Variants in HMCN2 observed in about 807,000 individuals in gnomAD.
HMCN2 encodes the protein hemicentin-2.
Under a neutral mutation model 377.5 loss-of-function variants are expected in HMCN2, and 325 were observed. The ratio of observed to expected loss-of-function variants is 0.86; its 90% CI spans 0.79 to 0.94. The LOEUF (loss-of-function observed/expected upper bound fraction) is 0.94. Ranked by LOEUF, HMCN2 falls within the 40% of genes least tolerant of loss-of-function variation. The pLI, the probability that HMCN2 is intolerant of heterozygous loss-of-function variation, is 0.00. For synonymous variants in HMCN2, 2,007 were observed against 2,046.8 expected (o/e 0.98, Z 0.53); for missense variants, 4,543 against 4,725.3 (o/e 0.96, Z 1.13).
chr9:130,369,705 T>G lies in HMCN2; in HGVS notation c.6923T>G (p.Val2308Gly). ...ACATGGGAGCGGGACGGCCAGCCCG[T>G]GGGGGCTGAACTGGGCCTGCAGCTG... ...TVTWERDGQP[V>G]GAELGLQLQN... Residue 2308 changes from valine to glycine, a missense_variant, in exon 45 of 98, where the codon GTG becomes GGG. Val to Gly is a moderately radical substitution (Grantham distance 109). Around this residue, in one of 5 missense-constraint regions of HMCN2, gnomAD observed 1,032 missense variants for 1,285.1 expected, o/e 0.80. Transcript: ENST00000683500. The surrounding 1 kb of genome is among the most constrained non-coding windows in gnomAD (Gnocchi z 4.5). 1.0e-6 allele frequency: 1 copy of G among 985,884 alleles called. No individual in the cohort carries two copies. Among genetic ancestry groups the G allele is most frequent in the Non-Finnish European group, 1.2e-6 (1 of 830,050 alleles). 61.1% of individuals were successfully genotyped at this position (985,884 alleles called of 1,614,324 possible). A position where few individuals can be genotyped will look rare whatever the true frequency, so the allele number is the denominator to read the frequency against.
At chr9:130,429,465 G>A in intron 93 of HMCN2, 92 bp from the exon 94 acceptor site, 2 of 1,478,494 alleles carry the variant, frequency 1.4e-6, no homozygotes, top group African/African-American at 1.4e-5. Flanking sequence ...GGGACAGGGA[G>A]GAGGCCCAGA....
At position 130,418,976 on chromosome 9, in the gene HMCN2, C is replaced by T. The variant is rs1342714959; in HGVS notation, c.13166C>T (p.Thr4389Ile). Residue 4389 changes from threonine to isoleucine, a missense_variant, in exon 86 of 98, where the codon ACC becomes ATC. By Grantham distance (89) the Thr-to-Ile change is moderately conservative. Around this residue, in one of 5 missense-constraint regions of HMCN2, gnomAD observed 1,155 missense variants for 1,157.7 expected, o/e 1.00. Transcript: ENST00000683500. ...AACGTGGAGACTGGGGATGCAGGCA[C>T]CTACGACTGCGTCGCTCACAACCTC... is the stretch of plus-strand genomic sequence containing the variant. ...LENVETGDAG[T>I]YDCVAHNLLG... The T allele has an allele frequency of 1.3e-6, 2 of 1,519,766 alleles. No individual in the cohort carries two copies. Among genetic ancestry groups the T allele is most frequent in the African/African-American group, 1.4e-5 (1 of 72,372 alleles). 94.1% of individuals were successfully genotyped at this position (1,519,766 alleles called of 1,614,324 possible). A position where few individuals can be genotyped will look rare whatever the true frequency, so the allele number is the denominator to read the frequency against.
intron 12 of HMCN2, among the ~76,000 whole-genome samples, chr9:130,306,488 G>C (rs1376643035): frequency 6.6e-6 from 1 of 152,068 alleles, no homozygotes; most frequent in Non-Finnish European, 1.5e-5. Flanking sequence ...GTATGGACCT[G>C]CGCCCAAATC....
In HMCN2 at chr9:130,425,781, G is replaced by C. The variant is rs926380414; in HGVS notation, c.13736G>C (p.Arg4579Pro). The change falls in exon 90 of 98, where the codon CGC becomes CCC. Residue 4579 changes from arginine (R) to proline (P), a missense_variant. Physicochemically the swap from Arg to Pro is moderately radical, Grantham distance 103. This residue lies in a region of HMCN2 where 1,155 missense variants were observed against 1,157.7 expected (regional missense o/e 1.00). Transcript: ENST00000683500. ...FFQGGLPSFL[R>P]CNHSIQYNAA... is the part of the protein sequence containing the mutation. ...CAGGGCGGCCTCCCCTCGTTCCTAC[G>C]CTGCAACCACAGCATCCAGTACAAC... 6.4e-7 allele frequency: 1 copy of C among 1,550,488 alleles called. No homozygotes were observed. The highest frequency in any genetic ancestry group is 1.2e-5 in the South Asian group (1 of 84,054).
chr9:130,327,281 C>G (rs1296791091), intron 21 of HMCN2, 29 bp from the exon 22 acceptor site: 1 of 152,430 alleles, frequency 6.6e-6, no homozygotes, highest in Non-Finnish European at 1.5e-5. Flanking sequence ...CTCTGCCCTG[C>G]TGACAGGCCC....
intron 4 of HMCN2, among the ~76,000 whole-genome samples, chr9:130,290,176 C>G (rs17521100): frequency 0.11 from 17,096 of 152,272 alleles, 1,081 homozygotes; most frequent in Middle Eastern, 0.15. Flanking sequence ...AATGAAGGCT[C>G]TCTGCGCTGG....
chr9:130,388,413 C>A lies in HMCN2; in HGVS notation c.9396C>A (p.Pro3132=). The part of the protein sequence containing the change: ...VRTFTLTVQV[P]PTFENPKTET... ...AGTCTGGCTTTCTTCCTGCAGTGCC[C>A]CCAACATTTGAGAACCCCAAGACAG... Residue 3132 remains proline (P), a synonymous_variant, in exon 62 of 98, where the codon CCC becomes CCA. Coordinates refer to ENST00000683500, the MANE Select transcript of HMCN2 (RefSeq NM_001291815.2). 1.0e-6 allele frequency: 1 copy of A among 987,956 alleles called. No individual in the cohort carries two copies. Among genetic ancestry groups the A allele is most frequent in the Non-Finnish European group, 1.2e-6 (1 of 830,098 alleles). The allele number at this position is 987,956 out of a possible 1,614,324, so 61.2% of individuals were successfully genotyped here.
chr9:130,351,429 C>T lies in HMCN2; in HGVS notation c.4437C>T (p.Val1479=). Reference sequence around the variant, plus strand: ...CCCTTGCCCGTCTCTCCAGGCCTGTCCTTCCGGGAGGCCCTCACCTGCAGG... The same window carrying T: ...CCCTTGCCCGTCTCTCCAGGCCTGTTCTTCCGGGAGGCCCTCACCTGCAGG... ...QVEWTKDRQP[V]LPGGPHLQVQ... Residue 1479 remains valine, a synonymous_variant, in exon 30 of 98, where the codon GTC becomes GTT. Coordinates refer to ENST00000683500, the MANE Select transcript of HMCN2 (RefSeq NM_001291815.2). This position sits in a 1 kb window ranked among gnomAD's most constrained non-coding sequence, Gnocchi z 5.4. 6 of 1,304,028 alleles carry T rather than the reference C, an allele frequency of 4.6e-6. No individual in the cohort carries two copies. Among genetic ancestry groups the T allele is most frequent in the African/African-American group, 3.0e-5 (2 of 65,980 alleles). The allele number at this position is 1,304,028 out of a possible 1,614,324, so 80.8% of individuals were successfully genotyped here.
chr9:130,370,518 CA>C (rs1840959516), intron 45 of HMCN2, among the ~76,000 whole-genome samples: 2 of 152,224 alleles, frequency 1.3e-5, no homozygotes, highest in African/African-American at 4.8e-5. Flanking sequence ...CCAACACCCC[CA>C]CCCCCCTGGG....
chr9:130,433,299 C>A, intron 97 of HMCN2, 49 bp from the exon 98 acceptor site: 3 of 1,365,822 alleles, frequency 2.2e-6, no homozygotes, highest in South Asian at 3.2e-5. Flanking sequence ...GGGCCACGCT[C>A]CGACCGCACC....
intron 66 of HMCN2, among the ~76,000 whole-genome samples, chr9:130,392,909 T>C (rs1486936354): frequency 6.6e-6 from 1 of 151,008 alleles, no homozygotes; most frequent in Non-Finnish European, 1.5e-5. Flanking sequence ...GGCAGGAGAA[T>C]GGCGTGAACC....
intron 13 of HMCN2, 71 bp downstream of exon 13, chr9:130,307,009 A>G (rs1354933910): frequency 4.8e-6 from 2 of 413,262 alleles, no homozygotes; most frequent in African/African-American, 4.1e-5. Flanking sequence ...CCTCCCATCC[A>G]TCAGTATTTA....
chr9:130,407,397 A>T (rs530712394), intron 82 of HMCN2, 174 bp from the exon 83 acceptor site: 1 of 416,500 alleles, frequency 2.4e-6, no homozygotes, highest in African/African-American at 2.1e-5. Context: ...AGGTTCATTA[A>T]CCGCAGCCTC....
Position 130,339,187 on chromosome 9 carries a change from C to CAAACA in HMCN2, c.3487+1180_3487+1184dup, listed in dbSNP as rs1417380883. Among the ~76,000 whole-genome samples, 4,361 of 152,220 alleles carry CAAACA rather than the reference C, an allele frequency of 0.029. 495 individuals carry two copies. The East Asian group carries it at 0.41, about 14-fold the overall frequency. The stretch of plus-strand genomic sequence containing the variant: ...TGGGCAACAGTGCGAGACCCTGTCT[C>CAAACA]AAACAAAACAAAACAAAAATTCAGT... On this transcript the variant is annotated intron_variant, in intron 23 of 97. Coordinates refer to ENST00000683500, the MANE Select transcript of HMCN2 (RefSeq NM_001291815.2).
intron 15 of HMCN2, among the ~76,000 whole-genome samples, chr9:130,316,757 A>G (rs1428220985): frequency 1.3e-5 from 2 of 152,224 alleles, no homozygotes; most frequent in Non-Finnish European, 2.9e-5. Context: ...TCCCTGGGTC[A>G]CAGCAGAGGG....
chr9:130,379,443 G>GTGTCT lies in HMCN2; in HGVS notation c.8407_8408insTGTCT (p.Gly2803ValfsTer48). The GTGTCT allele has an allele frequency of 2.0e-6, 2 of 985,890 alleles. No homozygotes were observed. The highest frequency in any genetic ancestry group is 3.5e-5 in the African/African-American group (2 of 57,350). The allele number at this position is 985,890 out of a possible 1,614,324, so 61.1% of individuals were successfully genotyped here. A position where few individuals can be genotyped will look rare whatever the true frequency, so the allele number is the denominator to read the frequency against. ...CAGAGAGGATCAGCCCCTCTCGGCC[G>GTGTCT]GGGATGAGGTGTCTGTGCTGCAAGG... On this transcript the variant is annotated frameshift_variant, in exon 54 of 98. Transcript: ENST00000683500. LOFTEE classifies it high-confidence loss of function.
chr9:130,433,566 T>G lies in HMCN2; in HGVS notation c.15113T>G (p.Leu5038Arg), dbSNP rs1336124245. ...GCGCTGCGTCCGCTGCGCGCGGGCC[T>G]TGGCGCGGTCTACACCCGTCGCGCG... Reference protein sequence around the residue: ...PFALRPLRAGLGAVYTRRALT... With the variant: ...PFALRPLRAGRGAVYTRRALT... Residue 5038 changes from leucine (L) to arginine (R), a missense_variant, in exon 98 of 98, where the codon CTT becomes CGT. Leu to Arg is a moderately radical substitution (Grantham distance 102). Transcript: ENST00000683500. 5 of 1,477,232 alleles carry G rather than the reference T, an allele frequency of 3.4e-6. No individual in the cohort carries two copies. Among genetic ancestry groups the G allele is most frequent in the Non-Finnish European group, 4.5e-6 (5 of 1,118,846 alleles). The allele number at this position is 1,477,232 out of a possible 1,614,324, so 91.5% of individuals were successfully genotyped here.
rs1015000022 is a variant in HMCN2 at position 130,391,007 on chromosome 9, G to A, written c.9554G>A (p.Arg3185Gln). The A allele has an allele frequency of 4.4e-5, 43 of 986,648 alleles. No individual in the cohort carries two copies. Among genetic ancestry groups the A allele is most frequent in the Admixed American group, 1.8e-4 (3 of 16,274 alleles). 61.1% of individuals were successfully genotyped at this position (986,648 alleles called of 1,614,324 possible). The change falls in exon 63 of 98, where the codon CGG becomes CAG. Residue 3185 changes from arginine to glutamine, a missense_variant. Arg to Gln is a conservative substitution (Grantham distance 43). This residue lies in a region of HMCN2 where 736 missense variants were observed against 773.2 expected (regional missense o/e 0.95). Coordinates refer to ENST00000683500, the MANE Select transcript of HMCN2 (RefSeq NM_001291815.2). ...AGCGCGGTGCACGGTGTGGTCTCCC[G>A]GGGGGGCCGCCTCCAGCTGAGCCGC... ...ESSAVHGVVS[R>Q]GGRLQLSRLQ...
Position 130,393,044 on chromosome 9 carries a change from G to A in HMCN2, c.10137-168G>A, listed in dbSNP as rs1564848676. Among the ~76,000 whole-genome samples the A allele has an allele frequency of 6.6e-6, 1 of 152,098 alleles. No homozygotes were observed. ...AAAGAGAGAGTTTAAGCAAAGGCTG[G>A]GCTCAGTCACCCCGCCCCCTCTGGC... On this transcript the variant is annotated intron_variant, in intron 66 of 97. Transcript: ENST00000683500. The surrounding 1 kb of genome is among the most constrained non-coding windows in gnomAD (Gnocchi z 5.2).
Sources: gnomAD v4.1 joint callset for allele counts (sites outside exome capture counted in the v4.1 genomes callset) on GRCh38, gnomAD v4.1.1 for gene constraint, gnomAD v4.1.1 regional missense constraint, Gnocchi (gnomAD v3.1) non-coding constraint, MANE v1.5 for transcripts, NCBI Gene and HGNC (gene_info 2026-07-23, HGNC 2026-07-21) for gene names.